The following TRMT11 variants were observed in gnomAD, a reference collection of about 807,000 sequenced individuals.
TRMT11 encodes the protein tRNA methyltransferase 11.
A neutral mutation model predicts 62.8 loss-of-function variants in TRMT11; 53 were observed. That is an observed-to-expected ratio of 0.84 (90% confidence interval 0.68 to 1.06). The LOEUF (loss-of-function observed/expected upper bound fraction) is 1.06. TRMT11 is among the 50% of genes least tolerant of loss of function. TRMT11 has a pLI of 0.00. For synonymous variants in TRMT11, 188 were observed against 190.3 expected, an observed-to-expected ratio of 0.99 and a Z score of 0.10; for missense variants, 556 against 553.4, an observed-to-expected ratio of 1.00 and a Z score of -0.05.
At chr6:126,191,656 T>C (rs1173911991) in intron 1 of TRMT11, among the ~76,000 whole-genome samples, 2 of 152,036 alleles carry the variant, frequency 1.3e-5, no homozygotes, top group Non-Finnish European at 2.9e-5. Context: ...TTCCTTCTTC[T>C]GCATGTAGAT....
At chr6:126,106,498 G>A (rs1777466158) in intron 17 of TRMT11, among the ~76,000 whole-genome samples, 1 of 152,082 alleles carries the variant, frequency 6.6e-6, no homozygotes, top group Non-Finnish European at 1.5e-5. Context: ...TACTTCTCGC[G>A]CTGTTGGAAA....
intron 1 of TRMT11, among the ~76,000 whole-genome samples, chr6:126,195,576 G>C (rs1267411601): frequency 6.6e-5 from 10 of 152,160 alleles, no homozygotes. Flanking sequence ...AAACATTGTT[G>C]TTTATTCAGT....
intron 21 of TRMT11, among the ~76,000 whole-genome samples, chr6:126,153,180 T>C (rs1484303381): frequency 6.6e-6 from 1 of 152,232 alleles, no homozygotes; most frequent in East Asian, 1.9e-4. Context: ...ATGTTTTCCC[T>C]TCAAGAAGGC....
chr6:126,166,061 C>T (rs990451803), intron 21 of TRMT11, among the ~76,000 whole-genome samples: 8 of 151,840 alleles, frequency 5.3e-5, no homozygotes, highest in East Asian at 3.9e-4. Context: ...TCCTTTCTTC[C>T]GCTTGATCGA....
intron 21 of TRMT11, among the ~76,000 whole-genome samples, chr6:126,148,096 A>G (rs1487434049): frequency 6.6e-6 from 1 of 152,204 alleles, no homozygotes; most frequent in African/African-American, 2.4e-5. Flanking sequence ...TAAAATTTAG[A>G]AAGAGGTTAA....
chr6:126,089,021 G>A (rs1777244358), intron 17 of TRMT11, among the ~76,000 whole-genome samples: 2 of 152,024 alleles, frequency 1.3e-5, no homozygotes, highest in Admixed American at 6.6e-5. Flanking sequence ...TTTATTTACA[G>A]ACCAATATCA....
At chr6:126,177,314 C>T (rs556549826) in exon 1 of TRMT11, 2 of 152,148 alleles carry the variant, frequency 1.3e-5, no homozygotes, top group South Asian at 4.2e-4. Flanking sequence ...TTTTTATCAA[C>T]ATAAAGCAGG....
chr6:126,018,439 G>A (rs941721783), intron 11 of TRMT11, among the ~76,000 whole-genome samples: 4 of 151,994 alleles, frequency 2.6e-5, no homozygotes, highest in African/African-American at 9.7e-5. Context: ...TTGATTCGTG[G>A]AAAATCTAGG....
the TRMT11 span, among the ~76,000 whole-genome samples, chr6:126,223,639 G>A: frequency 6.6e-6 from 1 of 152,054 alleles, no homozygotes; most frequent in Non-Finnish European, 1.5e-5. Context: ...ATGTGTCTTG[G>A]AGAAGCTTGT....
Position 126,012,761 on chromosome 6 carries a change from T to G in TRMT11, c.926-10T>G, listed in dbSNP as rs768338341. On this transcript the variant is annotated splice_polypyrimidine_tract_variant and intron_variant, in intron 9 of 12. Transcript: ENST00000334379. Reference sequence around the variant, plus strand: ...TTTGACTATCTGTGTTACCTTTGTTTTCTGTCTAGCTCCATATGGTATCAG... The same window carrying G: ...TTTGACTATCTGTGTTACCTTTGTTGTCTGTCTAGCTCCATATGGTATCAG... The G allele has an allele frequency of 7.6e-5, 123 of 1,609,690 alleles. No homozygotes were observed. Among genetic ancestry groups the G allele is most frequent in the Non-Finnish European group, 9.6e-5 (113 of 1,177,576 alleles).
chr6:126,032,560 T>C (rs1774400440), intron 12 of TRMT11, among the ~76,000 whole-genome samples: 2 of 152,164 alleles, frequency 1.3e-5, no homozygotes, highest in South Asian at 4.1e-4. Context: ...ATCCTTTAGG[T>C]CTCAGATAAA....
At chr6:126,194,394 A>G (rs1185950233) in intron 1 of TRMT11, among the ~76,000 whole-genome samples, 1 of 152,186 alleles carries the variant, frequency 6.6e-6, no homozygotes, top group Non-Finnish European at 1.5e-5. Context: ...CTGATGGTAC[A>G]CACTACTGAC....
chr6:125,999,444 A>G lies in TRMT11; in HGVS notation c.523-13A>G. The stretch of plus-strand genomic sequence containing the variant: ...GTATGGCTATACTAACATAAGAAAT[A>G]TCTCTGATTTAGATTGCAGATGGAC... On this transcript the variant is annotated splice_polypyrimidine_tract_variant and intron_variant, in intron 6 of 12. Transcript: ENST00000334379. 1 of 1,581,354 alleles carries G rather than the reference A, an allele frequency of 6.3e-7. No homozygotes were observed.
downstream of TRMT11, among the ~76,000 whole-genome samples, chr6:126,208,523 T>G (rs553087659): frequency 6.6e-6 from 1 of 152,316 alleles, no homozygotes; most frequent in South Asian, 2.1e-4. Context: ...ATATATAATG[T>G]AAATAAAGAT....
At chr6:126,065,148 G>A (rs555661561) in intron 17 of TRMT11, among the ~76,000 whole-genome samples, 1 of 152,214 alleles carries the variant, frequency 6.6e-6, no homozygotes, top group South Asian at 2.1e-4. Context: ...AAAAACCAGA[G>A]AACTGAATAT....
intron 17 of TRMT11, among the ~76,000 whole-genome samples, chr6:126,069,382 T>C (rs1326161548): frequency 6.6e-6 from 1 of 152,264 alleles, no homozygotes; most frequent in Non-Finnish European, 1.5e-5. Flanking sequence ...CTTTACTGTT[T>C]CTGGGCAAAT....
At chr6:126,106,348 T>A (rs908333459) in intron 17 of TRMT11, among the ~76,000 whole-genome samples, 1 of 152,142 alleles carries the variant, frequency 6.6e-6, no homozygotes, top group African/African-American at 2.4e-5. Context: ...TTTCACCATA[T>A]TGGCCAGGCT....
intron 2 of TRMT11, among the ~76,000 whole-genome samples, chr6:125,995,533 C>T (rs1172688569): frequency 6.6e-6 from 1 of 152,008 alleles, no homozygotes; most frequent in East Asian, 1.9e-4. Flanking sequence ...TTCAAAGGGC[C>T]CCTCCTTCAC....
chr6:125,995,571 A>G (rs1216153401), intron 2 of TRMT11, among the ~76,000 whole-genome samples: 1 of 152,184 alleles, frequency 6.6e-6, no homozygotes, highest in Non-Finnish European at 1.5e-5. Context: ...TACCTAGAAA[A>G]AGGTCTCATG....
Sources: gnomAD v4.1 joint callset for allele counts (sites outside exome capture counted in the v4.1 genomes callset) on GRCh38, gnomAD v4.1.1 for gene constraint, MANE v1.5 for transcripts, NCBI Gene and HGNC (gene_info 2026-07-23, HGNC 2026-07-21) for gene names.